ATPAF1: variants seen among roughly 807,000 people sequenced by gnomAD.
The protein encoded by ATPAF1 is homolog of yeast ATP11.
ATPAF1 carries 26 observed loss-of-function variants against 43.9 expected under a neutral mutation model. The observed-to-expected ratio is 0.59, with a 90% CI of 0.43 to 0.82. The LOEUF is 0.82. Ranked by LOEUF, ATPAF1 falls within the 40% of genes least tolerant of loss-of-function variation. ATPAF1 has a pLI of 0.00. For missense variants in ATPAF1, 366 were observed against 435.0 expected (o/e 0.84, Z 1.41); for synonymous variants, 157 against 168.0 (o/e 0.93, Z 0.50).
intron 2 of ATPAF1, chr1:46,665,020 C>A (rs775553345): frequency 2.0e-6 from 1 of 491,954 alleles, no homozygotes; most frequent in Non-Finnish European, 3.7e-6. Context: ...GACCACCAGA[C>A]TGCTCCTCTT....
Position 46,653,772 on chromosome 1 carries a change from ACTTTCATG to A in ATPAF1, c.540+37_540+44del, listed in dbSNP as rs1189327911. The stretch of plus-strand genomic sequence containing the variant: ...ACTGCCTGCTAAGGTTAGAGAACTG[ACTTTCATG>A]TTGTAACACTTTCACTTTGCCCTCC... On this transcript the variant is annotated intron_variant, in intron 5 of 8. Transcript: ENST00000574428. The surrounding 1 kb of genome is among the most constrained non-coding windows in gnomAD (Gnocchi z 4.8). 6.3e-7 allele frequency: 1 copy of A among 1,581,610 alleles called. No homozygotes were observed. Among genetic ancestry groups the A allele is most frequent in the Non-Finnish European group, 8.6e-7 (1 of 1,156,862 alleles).
intron 6 of ATPAF1, among the ~76,000 whole-genome samples, chr1:46,649,022 T>C (rs1264760959): frequency 6.6e-6 from 1 of 151,790 alleles, no homozygotes; most frequent in Non-Finnish European, 1.5e-5. Flanking sequence ...ATTAGCCCAG[T>C]GTGGTGGCAG....
chr1:46,637,556 A>G (rs1675866260), intron 8 of ATPAF1, among the ~76,000 whole-genome samples: 1 of 152,142 alleles, frequency 6.6e-6, no homozygotes, highest in South Asian at 2.1e-4. Context: ...TTAAACCCCA[A>G]AAGGTCATGG....
chr1:46,658,012 C>CTTTTTTTTTTTTTTTTTTTTTTTTTTT (rs1446080263), intron 4 of ATPAF1, 115 bp downstream of exon 4: 1 of 1,040,122 alleles, frequency 9.6e-7, no homozygotes, highest in East Asian at 2.4e-5. Flanking sequence ...TCACTTTTGC[C>CTTTTTTTTTTTTTTTTTTTTTTTTTTT]TTTTATTATT....
chr1:46,663,103 G>A (rs1257591337), intron 2 of ATPAF1, among the ~76,000 whole-genome samples: 3 of 152,264 alleles, frequency 2.0e-5, no homozygotes, highest in African/African-American at 7.2e-5. Context: ...CCCTACAAAG[G>A]ACATGAACTC....
At position 46,645,590 on chromosome 1, in the gene ATPAF1, C is replaced by T. The variant is rs3753357; in HGVS notation, c.589-334G>A. Among the ~76,000 whole-genome samples the T allele has an allele frequency of 2.8e-4, 43 of 151,880 alleles. No individual in the cohort carries two copies. The East Asian group carries it at 7.4e-3, about 26-fold the overall frequency. ...GTTGCCCAGGCTGGTCTTGAACTCCCGGGCTCAAGCAATCTGCCTCCCTCA... is the reference window on the plus strand; with the variant it reads ...GTTGCCCAGGCTGGTCTTGAACTCCTGGGCTCAAGCAATCTGCCTCCCTCA... On this transcript the variant is annotated intron_variant, in intron 6 of 8. Coordinates refer to ENST00000574428, the Ensembl canonical transcript of ATPAF1.
At chr1:46,637,825 A>G (rs1675870576) in intron 8 of ATPAF1, among the ~76,000 whole-genome samples, 2 of 152,192 alleles carry the variant, frequency 1.3e-5, no homozygotes, top group African/African-American at 4.8e-5. Flanking sequence ...CTCATTTAAT[A>G]GGCTAGGAAA....
At chr1:46,645,283 C>A (rs776703946) in intron 6 of ATPAF1, 27 bp from the exon 7 acceptor site, 18 of 1,518,332 alleles carry the variant, frequency 1.2e-5, no homozygotes, top group Non-Finnish European at 1.5e-5. Flanking sequence ...TACAAGGAGA[C>A]AGATGAATAA....
At chr1:46,667,781 G>T (rs1676515735) in intron 1 of ATPAF1, among the ~76,000 whole-genome samples, 1 of 152,202 alleles carries the variant, frequency 6.6e-6, no homozygotes, top group Non-Finnish European at 1.5e-5. Context: ...TCTCTGAGCT[G>T]CCTGCCTCAG....
rs368864502 is a variant in ATPAF1 at position 46,640,621 on chromosome 1, G to A, written c.792+2573C>T. On this transcript the variant is annotated intron_variant, in intron 8 of 8. Coordinates refer to ENST00000574428, the Ensembl canonical transcript of ATPAF1. ...TGCACTCCAGCCTGGCCAACACAGCGAGACTCTGTCTCAAAAACAAACAAA... is the reference window on the plus strand; with the variant it reads ...TGCACTCCAGCCTGGCCAACACAGCAAGACTCTGTCTCAAAAACAAACAAA... 8.1e-5 allele frequency among the ~76,000 whole-genome samples: 12 copies of A among 148,116 alleles called. No homozygotes were observed. In the East Asian group the frequency reaches 1.6e-3, roughly 19 times the overall value.
chr1:46,649,157 C>CAAAA (rs35432914), intron 6 of ATPAF1, among the ~76,000 whole-genome samples: 2 of 104,740 alleles, frequency 1.9e-5, no homozygotes, highest in Admixed American at 9.9e-5. Context: ...AGCTCCGTCT[C>CAAAA]AAAAAAAAAA....
chr1:46,643,989 C>T (rs190782376), intron 7 of ATPAF1, among the ~76,000 whole-genome samples: 2 of 152,240 alleles, frequency 1.3e-5, no homozygotes, highest in East Asian at 1.9e-4. Context: ...AAAATTTCAG[C>T]GAGTCTTTTT....
At chr1:46,665,440 C>T in intron 1 of ATPAF1, 76 bp from the exon 2 acceptor site, 1 of 1,473,048 alleles carries the variant, frequency 6.8e-7, no homozygotes, top group South Asian at 1.2e-5. Flanking sequence ...CACTTTCCAC[C>T]TCTACAGAGA....
chr1:46,647,555 C>T (rs1676067727), intron 6 of ATPAF1, among the ~76,000 whole-genome samples: 1 of 152,130 alleles, frequency 6.6e-6, no homozygotes, highest in African/African-American at 2.4e-5. Flanking sequence ...AATTCCTGTG[C>T]ACTAGTGACA....
intron 6 of ATPAF1, among the ~76,000 whole-genome samples, chr1:46,646,414 T>C (rs1346417046): frequency 6.6e-6 from 1 of 152,212 alleles, no homozygotes; most frequent in Non-Finnish European, 1.5e-5. Flanking sequence ...CTGTAATTAC[T>C]TCACATTCTA....
At chr1:46,635,690 G>A in exon 9 of ATPAF1, 1 of 1,312,886 alleles carries the variant, frequency 7.6e-7, no homozygotes, top group Non-Finnish European at 1.0e-6. Flanking sequence ...CATTATAAAT[G>A]CTGAGCTCTT....
chr1:46,640,840 C>T (rs761724282), intron 8 of ATPAF1, among the ~76,000 whole-genome samples: 5 of 152,166 alleles, frequency 3.3e-5, no homozygotes, highest in Non-Finnish European at 5.9e-5. Context: ...TCCAACCTTG[C>T]TTTCAGCTGA....
At chr1:46,643,397 T>A in intron 7 of ATPAF1, 96 bp from the exon 8 acceptor site, 1 of 952,422 alleles carries the variant, frequency 1.0e-6, no homozygotes. Flanking sequence ...TTCTGGCTCT[T>A]AACAGCCCCT....
chr1:46,655,976 A>C (rs1184346027), intron 4 of ATPAF1, among the ~76,000 whole-genome samples: 1 of 152,258 alleles, frequency 6.6e-6, no homozygotes, highest in Non-Finnish European at 1.5e-5. Flanking sequence ...GTAGGCAGGT[A>C]TCTGCTGTGT....
Sources: gnomAD v4.1 joint callset for allele counts (sites outside exome capture counted in the v4.1 genomes callset) on GRCh38, gnomAD v4.1.1 for gene constraint, Gnocchi (gnomAD v3.1) non-coding constraint, MANE v1.5 for transcripts, NCBI Gene and HGNC (gene_info 2026-07-23, HGNC 2026-07-21) for gene names.